UBAP2: variants seen among roughly 807,000 people sequenced by gnomAD.
UBAP2 encodes ubiquitin-associated protein 2.
In UBAP2, 75 loss-of-function variants were observed where a neutral mutation model predicts 139.6. That is an observed-to-expected ratio of 0.54 (90% CI 0.45 to 0.65). The LOEUF (loss-of-function observed/expected upper bound fraction) is 0.65. Among genes scored for constraint, UBAP2 ranks in the 30% least tolerant of loss-of-function variants. The pLI, the probability that UBAP2 is intolerant of heterozygous loss-of-function variation, is 0.00. For synonymous variants in UBAP2, 526 were observed against 526.2 expected, an observed-to-expected ratio of 1.00 and a Z score of 0.01; for missense variants, 1,368 against 1,369.6, an observed-to-expected ratio of 1.00 and a Z score of 0.02.
At chr9:34,016,267 GAAGAGA>G (rs1353031713) in intron 2 of UBAP2, among the ~76,000 whole-genome samples, 28 of 29,808 alleles carry the variant, frequency 9.4e-4, no homozygotes, top group Non-Finnish European at 1.2e-3. Flanking sequence ...GGAAGAGGAG[GAAGAGA>G]AGGAGGAAGA....
At chr9:33,960,914 CAA>C in intron 9 of UBAP2, 36 bp from the exon 10 acceptor site, 1 of 1,604,610 alleles carries the variant, frequency 6.2e-7, no homozygotes, top group South Asian at 1.1e-5. Flanking sequence ...GTTTATACCA[CAA>C]AGTCAAATAC....
intron 2 of UBAP2, among the ~76,000 whole-genome samples, chr9:34,001,371 T>C (rs936628295): frequency 9.9e-5 from 15 of 152,240 alleles, no homozygotes; most frequent in Non-Finnish European, 2.1e-4. Context: ...ATGTGACCTA[T>C]TGTTTTGAAA....
chr9:34,006,076 C>CA (rs200160464), intron 2 of UBAP2, among the ~76,000 whole-genome samples: 5 of 151,296 alleles, frequency 3.3e-5, no homozygotes, highest in East Asian at 3.9e-4. Context: ...ACTAAAAATA[C>CA]AAAAAAATTA....
At chr9:33,989,158 CAT>C (rs1564050059) in intron 4 of UBAP2, 32 bp from the exon 5 acceptor site, 16 of 1,570,114 alleles carry the variant, frequency 1.0e-5, no homozygotes, top group Middle Eastern at 1.7e-4. Flanking sequence ...AATCATTTAT[CAT>C]TCAAAGTGTG....
At chr9:34,022,989 G>A (rs1391357310) in intron 1 of UBAP2, among the ~76,000 whole-genome samples, 1 of 152,062 alleles carries the variant, frequency 6.6e-6, no homozygotes, top group Non-Finnish European at 1.5e-5. Context: ...CACTTTGGGA[G>A]GCCGAGGCAG....
chr9:34,020,696 G>C (rs953434745), intron 1 of UBAP2, among the ~76,000 whole-genome samples: 4 of 149,070 alleles, frequency 2.7e-5, no homozygotes, highest in Admixed American at 1.4e-4. Context: ...GTCTGGCTCA[G>C]TCACCCAAGC....
chr9:33,962,085 T>A (rs1460659057), intron 9 of UBAP2, among the ~76,000 whole-genome samples: 1 of 152,144 alleles, frequency 6.6e-6, no homozygotes, highest in Non-Finnish European at 1.5e-5. Context: ...GCCAGAATTG[T>A]AAGAGAAAGC....
rs1003940484 is a variant in UBAP2 at position 33,966,412 on chromosome 9, C to A, written c.680-2621G>T. Among the ~76,000 whole-genome samples the A allele has an allele frequency of 2.6e-5, 4 of 151,542 alleles. No individual in the cohort carries two copies. The East Asian group carries it at 7.8e-4, about 30-fold the overall frequency. On this transcript the variant is annotated intron_variant, in intron 8 of 28. Coordinates refer to ENST00000379238, the MANE Select transcript of UBAP2 (RefSeq NM_001370062.2). Reference sequence around the variant, plus strand: ...TGGAGGTTGCAGTGAGTTGAGATCGCAACACTGCACTCCAGCCTGTGTGAC... The same window carrying A: ...TGGAGGTTGCAGTGAGTTGAGATCGAAACACTGCACTCCAGCCTGTGTGAC...
At chr9:33,970,201 T>A (rs576171472) in intron 8 of UBAP2, among the ~76,000 whole-genome samples, 3 of 151,858 alleles carry the variant, frequency 2.0e-5, no homozygotes, top group Non-Finnish European at 4.4e-5. Flanking sequence ...CTAATATCTA[T>A]ATGATCCATA....
intron 6 of UBAP2, among the ~76,000 whole-genome samples, chr9:33,983,771 A>C (rs942787741): frequency 6.6e-6 from 1 of 152,182 alleles, no homozygotes; most frequent in African/African-American, 2.4e-5. Flanking sequence ...AGTAAGTTTG[A>C]AACTTACTTT....
intron 5 of UBAP2, 138 bp from the exon 6 acceptor site, chr9:33,986,975 C>T (rs894915006): frequency 6.5e-6 from 5 of 771,494 alleles, no homozygotes; most frequent in African/African-American, 3.5e-5. Flanking sequence ...ACAGGAAAAA[C>T]AAAAACAAAA....
chr9:33,995,601 TTAAATAAATATATATTTA>T (rs1414407831), intron 4 of UBAP2: 57 of 139,892 alleles, frequency 4.1e-4, no homozygotes, highest in African/African-American at 1.1e-3. Flanking sequence ...TTTAAAATTA[TTAAATAAATATATATTTA>T]TAAATAAATA....
chr9:34,000,092 C>T (rs1335536286), intron 2 of UBAP2, among the ~76,000 whole-genome samples: 3 of 151,906 alleles, frequency 2.0e-5, no homozygotes, highest in Non-Finnish European at 2.9e-5. Context: ...GGATTACAGG[C>T]GCCTGTCACT....
At chr9:34,005,416 C>A (rs1823112298) in intron 2 of UBAP2, among the ~76,000 whole-genome samples, 1 of 131,570 alleles carries the variant, frequency 7.6e-6, no homozygotes, top group African/African-American at 3.0e-5. Flanking sequence ...GCCTGGAAGC[C>A]AGGGCAAGAC....
rs770087284 is a variant in UBAP2 at position 33,963,002 on chromosome 9, A to C, written c.745+724T>G. ...CTCAAAAAAAATAAATAAAAATAAT[A>C]TAATAAAAATAAAAAAGACTGGCCT... On this transcript the variant is annotated intron_variant, in intron 9 of 28. Coordinates refer to ENST00000379238, the MANE Select transcript of UBAP2 (RefSeq NM_001370062.2). Among the ~76,000 whole-genome samples, 24 of 151,704 alleles carry C rather than the reference A, an allele frequency of 1.6e-4. 1 individual carries two copies. Among genetic ancestry groups the C allele is most frequent in the Non-Finnish European group, 4.4e-5 (3 of 67,920 alleles).
At chr9:34,012,824 G>C (rs559162162) in intron 2 of UBAP2, among the ~76,000 whole-genome samples, 1 of 149,570 alleles carries the variant, frequency 6.7e-6, no homozygotes, top group East Asian at 2.0e-4. Flanking sequence ...CAACTTTTCC[G>C]TAAATCTCAC....
chr9:34,046,207 C>T (rs1827562538), intron 1 of UBAP2, among the ~76,000 whole-genome samples: 1 of 151,770 alleles, frequency 6.6e-6, no homozygotes, highest in Non-Finnish European at 1.5e-5. Context: ...TTAGAGCAGG[C>T]ATTAACCCTT....
intron 22 of UBAP2, among the ~76,000 whole-genome samples, chr9:33,926,056 G>C (rs569692461): frequency 6.6e-6 from 1 of 152,196 alleles, no homozygotes; most frequent in Non-Finnish European, 1.5e-5. Context: ...CCTGGTCTCA[G>C]AGTAAGGCTG....
chr9:33,941,567 A>C, intron 16 of UBAP2, 82 bp downstream of exon 16: 1 of 1,204,646 alleles, frequency 8.3e-7, no homozygotes, highest in Non-Finnish European at 1.2e-6. Flanking sequence ...ATAAAATCAT[A>C]TCCAAGAAGC....
Sources: gnomAD v4.1 joint callset for allele counts (sites outside exome capture counted in the v4.1 genomes callset) on GRCh38, gnomAD v4.1.1 for gene constraint, MANE v1.5 for transcripts, NCBI Gene and HGNC (gene_info 2026-07-23, HGNC 2026-07-21) for gene names.